Variants in ZMYND8 observed in about 807,000 individuals in gnomAD.
The protein encoded by ZMYND8 is MYND-type zinc finger-containing chromatin reader ZMYND8.
In ZMYND8, 37 loss-of-function variants were observed where a neutral mutation model predicts 140.8. That is an observed-to-expected ratio of 0.26 (90% CI 0.20 to 0.35). ZMYND8 has a LOEUF of 0.35. Ranked by LOEUF, ZMYND8 falls within the 10% of genes least tolerant of loss-of-function variation. ZMYND8 has a pLI of 1.00. For missense variants in ZMYND8, 1,068 were observed against 1,570.0 expected (o/e 0.68, Z 5.40); for synonymous variants, 592 against 597.1 (o/e 0.99, Z 0.12).
chr20:47,315,076 T>C (rs2079272072), intron 2 of ZMYND8, among the ~76,000 whole-genome samples: 1 of 151,908 alleles, frequency 6.6e-6, no homozygotes, highest in African/African-American at 2.4e-5. Flanking sequence ...ATGTTAAAAG[T>C]CCCTCTTCAA....
Position 47,239,133 on chromosome 20 carries a change from C to A in ZMYND8, c.2290G>T (p.Gly764Cys). The A allele has an allele frequency of 6.7e-7, 1 of 1,496,486 alleles. No homozygotes were observed. Among genetic ancestry groups the A allele is most frequent in the Non-Finnish European group, 8.9e-7 (1 of 1,128,662 alleles). The allele number at this position is 1,496,486 out of a possible 1,614,324, so 92.7% of individuals were successfully genotyped here. Residue 764 changes from glycine to cysteine, a missense_variant, in exon 15 of 23, where the codon GGT (glycine) becomes TGT (cysteine). Physicochemically the swap from Gly to Cys is radical, Grantham distance 159. Transcript: ENST00000471951. ...KEPSPKQDVV[G>C]KTPPSTTVGS... is the part of the protein sequence containing the mutation. Reference sequence around the variant, plus strand: ...ACCGTCGTGGATGGTGGAGTTTTACCTACAACTAGCCAATGCATGAAGAAA... The same window carrying A: ...ACCGTCGTGGATGGTGGAGTTTTACATACAACTAGCCAATGCATGAAGAAA...
chr20:47,227,193 C>T lies in ZMYND8; in HGVS notation c.3016+10G>A. 6.2e-7 allele frequency: 1 copy of T among 1,614,156 alleles called. No individual in the cohort carries two copies. Among genetic ancestry groups the T allele is most frequent in the Non-Finnish European group, 8.5e-7 (1 of 1,180,000 alleles). On this transcript the variant is annotated intron_variant, in intron 18 of 22. Coordinates refer to ENST00000471951, the MANE Select transcript of ZMYND8 (RefSeq NM_001281775.3). ...CCCTCCTCAGTCCAGACCAGTGTGTCAGGCCTTACCTAAGTTGTGTTTCAT... is the reference window on the plus strand; with the variant it reads ...CCCTCCTCAGTCCAGACCAGTGTGTTAGGCCTTACCTAAGTTGTGTTTCAT...
At chr20:47,294,639 G>A (rs2076402) in intron 5 of ZMYND8, 27 bp downstream of exon 5, 24 of 1,595,598 alleles carry the variant, frequency 1.5e-5, no homozygotes, top group Non-Finnish European at 2.0e-5. Context: ...TCATTTACGC[G>A]TATACCAAGA....
intron 1 of ZMYND8, chr20:47,356,431 AG>A: frequency 6.5e-7 from 1 of 1,539,920 alleles, no homozygotes; most frequent in African/African-American, 1.4e-5. Flanking sequence ...GTGGAAGGAA[AG>A]GTGTGCCAGG....
At chr20:47,255,722 G>GTATATATATATATA (rs369654557) in intron 12 of ZMYND8, among the ~76,000 whole-genome samples, 1 of 77,766 alleles carries the variant, frequency 1.3e-5, no homozygotes, top group Non-Finnish European at 2.3e-5. Flanking sequence ...GTGTATGTGT[G>GTATATATATATATA]TATATATATA....
chr20:47,232,368 AAAATAAATAAAT>A (rs3084712), intron 16 of ZMYND8, among the ~76,000 whole-genome samples: 2 of 149,068 alleles, frequency 1.3e-5, no homozygotes, highest in East Asian at 1.9e-4. Context: ...CCTTGTCTCA[AAAATAAATAAAT>A]AAATAAATAA....
At chr20:47,222,467 C>T (rs559144148) in intron 19 of ZMYND8, among the ~76,000 whole-genome samples, 2 of 151,930 alleles carry the variant, frequency 1.3e-5, no homozygotes, top group Non-Finnish European at 2.9e-5. Flanking sequence ...GCCCGGGAGG[C>T]GGAGCTTGCA....
rs1304105114 is a variant in ZMYND8 at position 47,292,840 on chromosome 20, C to G, written c.568-952G>C. 2.0e-5 allele frequency among the ~76,000 whole-genome samples: 3 copies of G among 151,876 alleles called. No homozygotes were observed. The East Asian group carries it at 5.8e-4, about 30-fold the overall frequency. On this transcript the variant is annotated intron_variant, in intron 5 of 22. Coordinates refer to ENST00000471951, the MANE Select transcript of ZMYND8 (RefSeq NM_001281775.3). ...GCTGAGGCAGGAGGATCATTTAAGG[C>G]CAGAAGTTCAAGACCAGCCTGGGCA...
intron 9 of ZMYND8, 92 bp downstream of exon 9, chr20:47,283,479 A>G: frequency 7.6e-7 from 1 of 1,318,304 alleles, no homozygotes; most frequent in Non-Finnish European, 1.1e-6. Flanking sequence ...CCAAAGTTTC[A>G]TCTAATAAGC....
chr20:47,333,988 G>C (rs145942931), intron 2 of ZMYND8, among the ~76,000 whole-genome samples: 1 of 152,046 alleles, frequency 6.6e-6, no homozygotes, highest in South Asian at 2.1e-4. Context: ...AATAAGCATC[G>C]AATATACATA....
At chr20:47,335,305 G>T (rs1569225247) in intron 2 of ZMYND8, among the ~76,000 whole-genome samples, 1 of 151,918 alleles carries the variant, frequency 6.6e-6, no homozygotes, top group African/African-American at 2.4e-5. Context: ...GTCAATAAAG[G>T]TATTTTTTTT....
Position 47,310,042 on chromosome 20 carries a change from A to G in ZMYND8, c.234+14T>C. The G allele has an allele frequency of 6.2e-7, 1 of 1,614,142 alleles. No individual in the cohort carries two copies. Among genetic ancestry groups the G allele is most frequent in the Non-Finnish European group, 8.5e-7 (1 of 1,180,006 alleles). On this transcript the variant is annotated intron_variant, in intron 3 of 22. Transcript: ENST00000471951. ...TCCCACCAGTGAGGACACCGTTCCC[A>G]GCGGCTGCTTTACCTGCTCCTTATT... is the stretch of plus-strand genomic sequence containing the variant.
chr20:47,245,087 T>C (rs558218376), intron 14 of ZMYND8, among the ~76,000 whole-genome samples: 2 of 151,606 alleles, frequency 1.3e-5, no homozygotes, highest in South Asian at 4.2e-4. Flanking sequence ...CCAATACACA[T>C]ATCCACCATA....
intron 7 of ZMYND8, among the ~76,000 whole-genome samples, chr20:47,289,196 A>C (rs1240085857): frequency 4.6e-5 from 7 of 152,220 alleles, no homozygotes; most frequent in Admixed American, 1.3e-4. Context: ...ACTAATAAGC[A>C]CAGGAAAAGA....
intron 2 of ZMYND8, among the ~76,000 whole-genome samples, chr20:47,345,008 C>T (rs1396876414): frequency 6.6e-6 from 1 of 152,036 alleles, no homozygotes; most frequent in Non-Finnish European, 1.5e-5. Context: ...GTCCCAGCTA[C>T]TCAGGAGGCT....
At chr20:47,273,588 C>T (rs2076086926) in intron 11 of ZMYND8, among the ~76,000 whole-genome samples, 1 of 152,112 alleles carries the variant, frequency 6.6e-6, no homozygotes, top group South Asian at 2.1e-4. Context: ...TTCCGGTGTC[C>T]ATTAAAAAAG....
chr20:47,264,536 C>T (rs1417880557), intron 11 of ZMYND8, among the ~76,000 whole-genome samples: 2 of 152,172 alleles, frequency 1.3e-5, no homozygotes, highest in Non-Finnish European at 2.9e-5. Context: ...CTCAGCCTCC[C>T]GAAGTGCTGG....
intron 18 of ZMYND8, among the ~76,000 whole-genome samples, chr20:47,225,586 AGGAAGGGGAAGGAGGGGAT>A (rs2037578733): frequency 5.9e-3 from 4 of 682 alleles, no homozygotes; most frequent in Admixed American, 0.024. Flanking sequence ...AGGGAGGGGA[AGGAAGGGGAAGGAGGGGAT>A]GGGAGGGGAA....
At chr20:47,312,891 C>CCACT (rs1427743164) in intron 2 of ZMYND8, among the ~76,000 whole-genome samples, 1 of 152,104 alleles carries the variant, frequency 6.6e-6, no homozygotes, top group African/African-American at 2.4e-5. Flanking sequence ...CCGACTCTCG[C>CCACT]CACTGTTCCT....
Sources: allele counts gnomAD v4.1 joint callset (sites outside exome capture counted in the v4.1 genomes callset), GRCh38; gene constraint gnomAD v4.1.1; transcripts MANE v1.5; gene names NCBI Gene and HGNC (gene_info 2026-07-23, HGNC 2026-07-21).